Variants in AMZ1 observed in about 807,000 individuals in gnomAD.
AMZ1 encodes the protein archaemetzincin-1.
In AMZ1, 39 loss-of-function variants were observed where a neutral mutation model predicts 29.9. The ratio of observed to expected loss-of-function variants is 1.30; its 90% CI spans 1.01 to 1.70. The LOEUF (loss-of-function observed/expected upper bound fraction) is 1.70. Among genes scored for constraint, AMZ1 ranks in the 40% most tolerant of loss-of-function variants. The pLI is 0.00. For missense variants in AMZ1, 1,041 were observed against 680.6 expected (o/e 1.53, Z -5.89); for synonymous variants, 458 against 304.0 (o/e 1.51, Z -5.27).
At position 2,718,483 on chromosome 7, in the gene AMZ1, G is replaced by A. The variant is rs530380026; in HGVS notation, c.*5605G>A. Among the ~76,000 whole-genome samples the A allele has an allele frequency of 2.0e-5, 3 of 152,324 alleles. No homozygotes were observed. Among genetic ancestry groups the A allele is most frequent in the East Asian group, 1.9e-4 (1 of 5,180 alleles). Reference sequence around the variant, plus strand: ...GTGACCAGCGGGAATGAATGGGGACGTGTTTTGTTCAGCCCTGACTCTTGG... The same window carrying A: ...GTGACCAGCGGGAATGAATGGGGACATGTTTTGTTCAGCCCTGACTCTTGG... On this transcript the variant is annotated 3_prime_UTR_variant, in exon 7 of 7. Transcript: ENST00000683327.
At chr7:2,730,935 C>T in intron 4 of AMZ1, 1 of 503,690 alleles carries the variant, frequency 2.0e-6, no homozygotes, top group Non-Finnish European at 3.6e-6. Flanking sequence ...TCCGTATTCA[C>T]AACATCATCA....
chr7:2,725,870 G>A (rs2115257566), intron 4 of AMZ1, among the ~76,000 whole-genome samples: 1 of 152,250 alleles, frequency 6.6e-6, no homozygotes, highest in African/African-American at 2.4e-5. Context: ...AGGGCACGCA[G>A]TGCCAGACCC....
At chr7:2,754,560 T>C (rs1477227215) in intron 4 of AMZ1, among the ~76,000 whole-genome samples, 1 of 149,740 alleles carries the variant, frequency 6.7e-6, no homozygotes, top group African/African-American at 2.5e-5. Context: ...CTGGGCAACA[T>C]AGTGAGACCT....
chr7:2,712,367 G>C lies in AMZ1; in HGVS notation c.986G>C (p.Trp329Ser), dbSNP rs1268195934. 1.2e-6 allele frequency: 2 copies of C among 1,603,972 alleles called. No individual in the cohort carries two copies. The highest frequency in any genetic ancestry group is 2.2e-5 in the South Asian group (2 of 89,550). ...YTWTQAVVGT[W>S]PSQEAGEPSV... The stretch of plus-strand genomic sequence containing the variant: ...TGGACTCAGGCGGTGGTGGGGACGT[G>C]GCCCAGCCAGGAGGCGGGGGAGCCG... The change falls in exon 7 of 7, where the codon TGG becomes TCG. Residue 329 changes from tryptophan to serine, a missense_variant. Transcript: ENST00000683327.
At chr7:2,742,231 C>A (rs1292806245) in intron 4 of AMZ1, among the ~76,000 whole-genome samples, 1 of 151,920 alleles carries the variant, frequency 6.6e-6, no homozygotes, top group Non-Finnish European at 1.5e-5. Context: ...CCCATTTTGG[C>A]CAGGCTGGTC....
chr7:2,738,425 G>A (rs560473376), intron 4 of AMZ1, among the ~76,000 whole-genome samples: 12 of 152,312 alleles, frequency 7.9e-5, no homozygotes, highest in South Asian at 2.1e-4. Context: ...GCTACGCACC[G>A]GCGAAGGAGA....
chr7:2,708,174 A>C (rs1255985939), intron 3 of AMZ1, among the ~76,000 whole-genome samples: 2 of 151,744 alleles, frequency 1.3e-5, no homozygotes, highest in Non-Finnish European at 2.9e-5. Flanking sequence ...CTGCAGAAAA[A>C]CGCCTCCATC....
At chr7:2,700,931 C>G (rs73281171) in intron 2 of AMZ1, among the ~76,000 whole-genome samples, 176 bp downstream of exon 2, 4,465 of 152,268 alleles carry the variant, frequency 0.029, 232 homozygotes, top group African/African-American at 0.1. Flanking sequence ...GGCTTCCTTC[C>G]TCCCACCCCA....
At chr7:2,720,481 GC>G (rs1201142445), downstream of AMZ1, among the ~76,000 whole-genome samples, 2 of 151,646 alleles carry the variant, frequency 1.3e-5, no homozygotes, top group African/African-American at 4.8e-5. Flanking sequence ...TTGGCTCACT[GC>G]AACCTCCGCC....
chr7:2,733,360 G>C, intron 4 of AMZ1: 1 of 1,038,486 alleles, frequency 9.6e-7, no homozygotes. Context: ...TGTCAGTCCA[G>C]CCAAAGTCCT....
At chr7:2,745,144 A>G (rs1790705072) in intron 4 of AMZ1, among the ~76,000 whole-genome samples, 1 of 152,244 alleles carries the variant, frequency 6.6e-6, no homozygotes, top group Non-Finnish European at 1.5e-5. Flanking sequence ...GCAGGCCAAC[A>G]TTCAAAATCA....
Position 2,702,801 on chromosome 7 carries a change from C to G in AMZ1, c.384C>G (p.Arg128=). The change falls in exon 3 of 7, where the codon CGC becomes CGG. Residue 128 remains arginine (R), a synonymous_variant. Transcript: ENST00000683327. ...CAGAGGCCTTCTTCCTGGGCCTGCG[C>G]GTCAAGTGCCTGCCGTCGGTGGCAG... The part of the protein sequence containing the change: ...SCTEAFFLGL[R]VKCLPSVAAA... The G allele has an allele frequency of 6.5e-7, 1 of 1,548,246 alleles. No homozygotes were observed. Among genetic ancestry groups the G allele is most frequent in the Non-Finnish European group, 8.7e-7 (1 of 1,149,950 alleles).
At chr7:2,684,206 A>C (rs568647132), upstream of AMZ1, among the ~76,000 whole-genome samples, 1 of 152,120 alleles carries the variant, frequency 6.6e-6, no homozygotes, top group East Asian at 1.9e-4. Context: ...TATTTTTTAC[A>C]TTGTCTTGTT....
At chr7:2,708,765 G>C in intron 4 of AMZ1, 49 bp downstream of exon 4, 1 of 1,609,112 alleles carries the variant, frequency 6.2e-7, no homozygotes, top group Non-Finnish European at 8.5e-7. Flanking sequence ...CTGGCATGGG[G>C]CTGTGGCCTC....
intron 4 of AMZ1, chr7:2,728,250 C>G (rs958770257): frequency 6.6e-6 from 1 of 152,342 alleles, no homozygotes; most frequent in Non-Finnish European, 1.5e-5. Context: ...CACTACCATT[C>G]CAATGGGAGC....
chr7:2,687,709 C>G (rs563915706), upstream of AMZ1, among the ~76,000 whole-genome samples: 27 of 1,278 alleles, frequency 0.021, no homozygotes, highest in East Asian at 0.23. Flanking sequence ...TCACCTGGGG[C>G]TTCGCTGATA....
intron 1 of AMZ1, among the ~76,000 whole-genome samples, chr7:2,680,338 C>T (rs78627935): frequency 0.016 from 2,457 of 152,228 alleles, 77 homozygotes; most frequent in African/African-American, 0.056. Flanking sequence ...CCACAGGCTC[C>T]CCGAGCCCTG....
intron 4 of AMZ1, among the ~76,000 whole-genome samples, chr7:2,747,922 G>C (rs1486612608): frequency 6.6e-6 from 1 of 151,772 alleles, no homozygotes; most frequent in African/African-American, 2.4e-5. Context: ...GCTTCAAAGA[G>C]AATAAAATAC....
At chr7:2,723,130 A>G (rs548289205), downstream of AMZ1, among the ~76,000 whole-genome samples, 1 of 152,166 alleles carries the variant, frequency 6.6e-6, no homozygotes, top group African/African-American at 2.4e-5. Context: ...ACATTTTATA[A>G]AAGAAGAAAA....
Sources: allele counts gnomAD v4.1 joint callset (sites outside exome capture counted in the v4.1 genomes callset), GRCh38; gene constraint gnomAD v4.1.1; transcripts MANE v1.5; gene names NCBI Gene and HGNC (gene_info 2026-07-23, HGNC 2026-07-21).